ROBO1: variants seen among roughly 807,000 people sequenced by gnomAD.
The protein encoded by ROBO1 is roundabout guidance receptor 1.
ROBO1 carries 149 observed loss-of-function variants against 195.9 expected under a neutral mutation model. The ratio of observed to expected loss-of-function variants is 0.76; its 90% CI spans 0.67 to 0.87. The LOEUF (loss-of-function observed/expected upper bound fraction) is 0.87. ROBO1 is among the 40% of genes least tolerant of loss of function. The probability of loss-of-function intolerance (pLI) is 0.00; values close to 1 mark genes in which losing one functional copy is unlikely to be tolerated. For synonymous variants in ROBO1, 816 were observed against 733.2 expected, an observed-to-expected ratio of 1.11 and a Z score of -1.82; for missense variants, 1,933 against 2,068.3, an observed-to-expected ratio of 0.93 and a Z score of 1.27.
intron 1 of ROBO1, among the ~76,000 whole-genome samples, chr3:79,685,916 C>CA (rs536444915): frequency 3.9e-4 from 60 of 151,966 alleles, no homozygotes; most frequent in African/African-American, 1.4e-3. Flanking sequence ...GAGACAACAA[C>CA]AAAAAAAGAG....
At chr3:78,940,240 C>A (rs992323518) in intron 3 of ROBO1, among the ~76,000 whole-genome samples, 1 of 151,932 alleles carries the variant, frequency 6.6e-6, no homozygotes, top group African/African-American at 2.4e-5. Context: ...CTCTGCTTAG[C>A]CTCATCTATA....
intron 8 of ROBO1, among the ~76,000 whole-genome samples, chr3:78,702,184 A>G (rs545746798): frequency 1.3e-5 from 2 of 152,178 alleles, no homozygotes; most frequent in South Asian, 2.1e-4. Context: ...TGCTAAAACG[A>G]TTCGCCAGTC....
intron 2 of ROBO1, among the ~76,000 whole-genome samples, chr3:79,360,062 T>G: frequency 6.6e-6 from 1 of 152,166 alleles, no homozygotes; most frequent in East Asian, 1.9e-4. Flanking sequence ...GACAATAGCA[T>G]GAGCGATTAT....
chr3:79,651,095 T>C (rs575898591), intron 1 of ROBO1, among the ~76,000 whole-genome samples: 3 of 152,164 alleles, frequency 2.0e-5, no homozygotes, highest in South Asian at 2.1e-4. Context: ...AACATGCATG[T>C]TATTAAATAA....
chr3:78,885,432 A>C (rs1484358642), intron 4 of ROBO1, among the ~76,000 whole-genome samples: 29 of 149,600 alleles, frequency 1.9e-4, no homozygotes, highest in African/African-American at 5.9e-4. Flanking sequence ...AAAAAAAAAA[A>C]AAAAAAAAAA....
chr3:79,303,368 G>A (rs982045646), intron 2 of ROBO1, among the ~76,000 whole-genome samples: 8 of 151,978 alleles, frequency 5.3e-5, no homozygotes, highest in Admixed American at 2.0e-4. Flanking sequence ...GTTTCGCCAC[G>A]TTGGCCAGGC....
chr3:78,714,134 G>T (rs2081838191), intron 8 of ROBO1, among the ~76,000 whole-genome samples: 2 of 152,092 alleles, frequency 1.3e-5, no homozygotes, highest in Admixed American at 1.3e-4. Flanking sequence ...GCCTCTACTT[G>T]ACCAAGATAG....
At chr3:79,227,773 G>A (rs1405893575) in intron 2 of ROBO1, among the ~76,000 whole-genome samples, 4 of 152,012 alleles carry the variant, frequency 2.6e-5, no homozygotes, top group African/African-American at 4.8e-5. Context: ...AGAAACAAAC[G>A]GGTCAATATA....
chr3:78,925,645 T>C (rs2039169812), intron 4 of ROBO1, among the ~76,000 whole-genome samples: 1 of 152,192 alleles, frequency 6.6e-6, no homozygotes, highest in Admixed American at 6.5e-5. Flanking sequence ...TAATAATACT[T>C]TTGTGACCTG....
intron 1 of ROBO1, among the ~76,000 whole-genome samples, chr3:79,749,320 A>C (rs748140163): frequency 2.9e-4 from 44 of 152,342 alleles, no homozygotes; most frequent in Middle Eastern, 3.4e-3. Flanking sequence ...TGCTGTTAAA[A>C]GCATTCAGTT....
chr3:78,750,368 G>C (rs953858840), intron 4 of ROBO1, among the ~76,000 whole-genome samples: 34 of 151,562 alleles, frequency 2.2e-4, no homozygotes, highest in Non-Finnish European at 2.6e-4. Flanking sequence ...CAAGAGAATG[G>C]TGTGAACCCA....
At chr3:78,869,897 C>G (rs949840892) in intron 4 of ROBO1, among the ~76,000 whole-genome samples, 1 of 152,124 alleles carries the variant, frequency 6.6e-6, no homozygotes, top group Non-Finnish European at 1.5e-5. Context: ...ATAGTAAGCA[C>G]TAGAAATTAT....
At chr3:79,515,620 A>G (rs1488625580) in intron 2 of ROBO1, among the ~76,000 whole-genome samples, 2 of 152,186 alleles carry the variant, frequency 1.3e-5, no homozygotes, top group Non-Finnish European at 2.9e-5. Flanking sequence ...AGATTTACAA[A>G]TATTCATAAA....
intron 8 of ROBO1, among the ~76,000 whole-genome samples, chr3:78,699,917 A>C (rs2081383524): frequency 6.6e-6 from 1 of 152,194 alleles, no homozygotes; most frequent in Admixed American, 6.5e-5. Flanking sequence ...TCAAGAAATT[A>C]TCTCTAAAGT....
intron 2 of ROBO1, among the ~76,000 whole-genome samples, chr3:79,324,029 A>T (rs1398014543): frequency 6.6e-6 from 1 of 152,178 alleles, no homozygotes; most frequent in Non-Finnish European, 1.5e-5. Flanking sequence ...TTTAACTGTG[A>T]AATTTTAACA....
intron 1 of ROBO1, among the ~76,000 whole-genome samples, chr3:79,675,222 G>T (rs752845086): frequency 7.2e-6 from 1 of 138,126 alleles, no homozygotes; most frequent in South Asian, 2.2e-4. Flanking sequence ...TGAAACAAGA[G>T]AAATTGATTG....
intron 2 of ROBO1, among the ~76,000 whole-genome samples, chr3:79,309,901 A>G (rs190180650): frequency 6.6e-6 from 1 of 152,342 alleles, no homozygotes; most frequent in Non-Finnish European, 1.5e-5. Flanking sequence ...ATAAAGATAA[A>G]TTCTAAATCT....
At chr3:79,686,124 T>C (rs957571775) in intron 1 of ROBO1, among the ~76,000 whole-genome samples, 1 of 152,038 alleles carries the variant, frequency 6.6e-6, no homozygotes, top group Non-Finnish European at 1.5e-5. Context: ...ACAAAAACCA[T>C]GATTATCTCA....
intron 2 of ROBO1, among the ~76,000 whole-genome samples, chr3:79,316,281 G>T (rs2033735311): frequency 6.6e-6 from 1 of 152,050 alleles, no homozygotes; most frequent in Admixed American, 6.6e-5. Context: ...AAACAAAAAT[G>T]TACCACTCTT....
Sources: allele counts gnomAD v4.1 joint callset (sites outside exome capture counted in the v4.1 genomes callset), GRCh38; gene constraint gnomAD v4.1.1; transcripts MANE v1.5; gene names NCBI Gene and HGNC (gene_info 2026-07-23, HGNC 2026-07-21).